The following DLG2 variants were observed in gnomAD, a reference collection of about 807,000 sequenced individuals.
DLG2 encodes discs large MAGUK scaffold protein 2.
A neutral mutation model predicts 132.5 loss-of-function variants in DLG2; 45 were observed. The observed-to-expected ratio is 0.34, with a 90% CI of 0.27 to 0.44. DLG2 has a LOEUF of 0.44. Ranked by LOEUF, DLG2 falls within the 20% of genes least tolerant of loss-of-function variation. The pLI is 1.00. For synonymous variants in DLG2, 424 were observed against 419.6 expected, an observed-to-expected ratio of 1.01 and a Z score of -0.13; for missense variants, 1,045 against 1,196.9, an observed-to-expected ratio of 0.87 and a Z score of 1.87.
intron 2 of DLG2, among the ~76,000 whole-genome samples, chr11:85,611,827 G>T (rs1257842921): frequency 6.6e-6 from 1 of 152,206 alleles, no homozygotes; most frequent in Non-Finnish European, 1.5e-5. Flanking sequence ...AAACCCAAGG[G>T]GGTGGCAGTC....
At chr11:84,617,655 CT>C (rs1009407349) in intron 6 of DLG2, among the ~76,000 whole-genome samples, 6 of 151,812 alleles carry the variant, frequency 4.0e-5, no homozygotes, top group Admixed American at 3.3e-4. Context: ...TGTTGCTTCC[CT>C]TTTTTTTATG....
At position 85,214,462 on chromosome 11, in the gene DLG2, C is replaced by T. The variant is rs563869993; in HGVS notation, c.187-59811G>A. Among the ~76,000 whole-genome samples, 6 of 152,260 alleles carry T rather than the reference C, an allele frequency of 3.9e-5. No individual in the cohort carries two copies. In the East Asian group the frequency reaches 1.2e-3, roughly 29 times the overall value. On this transcript the variant is annotated intron_variant, in intron 4 of 27. Coordinates refer to ENST00000376104, the MANE Select transcript of DLG2 (RefSeq NM_001142699.3). ...CAATTCTTACCCATCTCTCCCTACA[C>T]GTCCCTGCCCACTACCAATATATAC...
chr11:83,719,830 G>A (rs1406505156), intron 18 of DLG2, among the ~76,000 whole-genome samples: 3 of 152,044 alleles, frequency 2.0e-5, no homozygotes, highest in Non-Finnish European at 4.4e-5. Context: ...TATAATACAG[G>A]TTCTTAATCA....
chr11:85,520,463 A>G (rs1265314132), intron 3 of DLG2, among the ~76,000 whole-genome samples: 1 of 151,804 alleles, frequency 6.6e-6, no homozygotes, highest in Admixed American at 6.6e-5. Context: ...TCAAAATACC[A>G]ATGGTATTCT....
At chr11:84,355,450 T>G (rs2098605614) in intron 7 of DLG2, among the ~76,000 whole-genome samples, 1 of 151,948 alleles carries the variant, frequency 6.6e-6, no homozygotes, top group African/African-American at 2.4e-5. Flanking sequence ...CCCAGAGAAG[T>G]GCCTTTCCCC....
chr11:83,845,150 T>A (rs1021752128), intron 16 of DLG2, among the ~76,000 whole-genome samples: 11 of 152,106 alleles, frequency 7.2e-5, no homozygotes, highest in Non-Finnish European at 1.0e-4. Flanking sequence ...ATATGGGAAG[T>A]CTACAGCTAG....
chr11:85,169,397 C>T (rs1007710244), intron 4 of DLG2, among the ~76,000 whole-genome samples: 6 of 151,914 alleles, frequency 3.9e-5, no homozygotes, highest in Non-Finnish European at 7.4e-5. Context: ...AAAAACGGTA[C>T]GTAAATGTAT....
intron 6 of DLG2, among the ~76,000 whole-genome samples, chr11:84,867,228 T>C (rs1173659751): frequency 1.3e-5 from 2 of 152,178 alleles, no homozygotes; most frequent in African/African-American, 2.4e-5. Flanking sequence ...TTTAGTTTTA[T>C]CTTCTGAGGT....
intron 6 of DLG2, among the ~76,000 whole-genome samples, chr11:84,824,428 G>C (rs2078081535): frequency 1.3e-5 from 2 of 151,906 alleles, no homozygotes; most frequent in East Asian, 3.9e-4. Context: ...AATACTATGG[G>C]GTTTACAAAG....
intron 18 of DLG2, among the ~76,000 whole-genome samples, chr11:83,772,494 G>A (rs935625621): frequency 4.9e-5 from 7 of 144,180 alleles, no homozygotes; most frequent in African/African-American, 1.8e-4. Context: ...GGAAGGAGAA[G>A]GGGGAGGGGA....
intron 6 of DLG2, among the ~76,000 whole-genome samples, chr11:85,080,740 T>A (rs904459618): frequency 1.2e-4 from 19 of 152,112 alleles, no homozygotes; most frequent in African/African-American, 4.3e-4. Flanking sequence ...TATAGACCCT[T>A]TTTAATGGGG....
At chr11:84,928,980 G>GTGTGTA (rs1555303534) in intron 6 of DLG2, among the ~76,000 whole-genome samples, 16 of 40,250 alleles carry the variant, frequency 4.0e-4, no homozygotes, top group Admixed American at 1.1e-3. Context: ...GTGTGTGTGT[G>GTGTGTA]TGTATATATA....
intron 6 of DLG2, among the ~76,000 whole-genome samples, chr11:84,794,831 T>C (rs866453686): frequency 1.3e-5 from 2 of 152,338 alleles, no homozygotes; most frequent in Middle Eastern, 3.4e-3. Context: ...CTTTGGCTGC[T>C]GACCAGCACA....
At chr11:84,702,893 T>C (rs1441376239) in intron 6 of DLG2, among the ~76,000 whole-genome samples, 2 of 151,698 alleles carry the variant, frequency 1.3e-5, no homozygotes, top group Non-Finnish European at 3.0e-5. Flanking sequence ...AAAAGATCTA[T>C]AAATACTTGT....
chr11:84,689,727 T>C (rs968503043), intron 6 of DLG2, among the ~76,000 whole-genome samples: 1 of 151,970 alleles, frequency 6.6e-6, no homozygotes, highest in African/African-American at 2.4e-5. Context: ...AGCAGGGAAC[T>C]AGGTGTCCAA....
At chr11:83,498,045 T>C (rs543438191) in intron 21 of DLG2, among the ~76,000 whole-genome samples, 1 of 152,234 alleles carries the variant, frequency 6.6e-6, no homozygotes, top group South Asian at 2.1e-4. Context: ...TATTATTTCT[T>C]CATTTTAAAA....
intron 6 of DLG2, among the ~76,000 whole-genome samples, chr11:84,620,456 C>G (rs1251605309): frequency 2.6e-5 from 4 of 151,756 alleles, no homozygotes; most frequent in African/African-American, 9.7e-5. Context: ...ATAACTTAAT[C>G]TACAAAGTGG....
intron 4 of DLG2, among the ~76,000 whole-genome samples, chr11:85,263,699 G>A (rs1325025531): frequency 6.6e-6 from 1 of 152,202 alleles, no homozygotes; most frequent in African/African-American, 2.4e-5. Context: ...TGATCCCCTG[G>A]GGAATAGCCA....
At chr11:84,203,311 G>T (rs985137211) in intron 8 of DLG2, among the ~76,000 whole-genome samples, 75 of 152,084 alleles carry the variant, frequency 4.9e-4, no homozygotes, top group African/African-American at 1.7e-3. Flanking sequence ...CGCCAGGTGT[G>T]GTGGCTCACG....
Sources: allele counts gnomAD v4.1 joint callset (sites outside exome capture counted in the v4.1 genomes callset), GRCh38; gene constraint gnomAD v4.1.1; transcripts MANE v1.5; gene names NCBI Gene and HGNC (gene_info 2026-07-23, HGNC 2026-07-21).